ACAD11: variants seen among roughly 807,000 people sequenced by gnomAD.
ACAD11 encodes acyl-Coenzyme A dehydrogenase family, member 11.
A neutral mutation model predicts 102.2 loss-of-function variants in ACAD11; 83 were observed. That is an observed-to-expected ratio of 0.81 (90% confidence interval 0.68 to 0.97). The LOEUF is 0.97. ACAD11 is among the 50% of genes least tolerant of loss of function. The pLI, the probability that ACAD11 is intolerant of heterozygous loss-of-function variation, is 0.00. For missense variants in ACAD11, 901 were observed against 951.7 expected (o/e 0.95, Z 0.70); for synonymous variants, 324 against 319.8 (o/e 1.01, Z -0.14).
intron 13 of ACAD11, among the ~76,000 whole-genome samples, chr3:132,584,803 A>C (rs967886948): frequency 2.5e-4 from 38 of 152,206 alleles, no homozygotes; most frequent in Middle Eastern, 3.4e-3. Context: ...TGAAGGACCT[A>C]TTCAAGGAGA....
chr3:132,636,444 G>A (rs548294929), intron 5 of ACAD11, among the ~76,000 whole-genome samples: 93 of 151,836 alleles, frequency 6.1e-4, no homozygotes, highest in Non-Finnish European at 9.3e-4. Context: ...ATTGGCATTC[G>A]AAACAAACAA....
At chr3:132,590,973 T>C (rs1938048884) in intron 13 of ACAD11, among the ~76,000 whole-genome samples, 1 of 152,254 alleles carries the variant, frequency 6.6e-6, no homozygotes, top group Admixed American at 6.5e-5. Flanking sequence ...ACTCTGCTGA[T>C]AGTTTCTTTT....
intron 16 of ACAD11, 124 bp downstream of exon 16, chr3:132,576,820 C>G: frequency 1.4e-6 from 1 of 722,936 alleles, no homozygotes; most frequent in South Asian, 1.8e-5. Context: ...ATAACTTTTG[C>G]ACGAACCTAA....
chr3:132,622,538 G>A (rs190004392), intron 9 of ACAD11, among the ~76,000 whole-genome samples: 2 of 152,186 alleles, frequency 1.3e-5, no homozygotes, highest in African/African-American at 4.8e-5. Context: ...TTATGCCAGT[G>A]TTTATATAAT....
At chr3:132,575,710 T>C in intron 17 of ACAD11, 62 bp downstream of exon 17, 1 of 1,585,212 alleles carries the variant, frequency 6.3e-7, no homozygotes. Context: ...AAGTAATGTT[T>C]TTGTTCAATG....
At chr3:132,597,921 T>A (rs533382396) in intron 13 of ACAD11, among the ~76,000 whole-genome samples, 1 of 152,266 alleles carries the variant, frequency 6.6e-6, no homozygotes, top group South Asian at 2.1e-4. Flanking sequence ...ACTTTTTAAG[T>A]AACTTTAATG....
chr3:132,606,693 G>C (rs1938851541), intron 11 of ACAD11, among the ~76,000 whole-genome samples: 1 of 152,224 alleles, frequency 6.6e-6, no homozygotes, highest in Non-Finnish European at 1.5e-5. Flanking sequence ...AGGGGTGGCT[G>C]TGGGCGCGGC....
chr3:132,605,192 C>T lies in ACAD11; in HGVS notation c.1428G>A (p.Met476Ile), dbSNP rs2107827834. 1 of 1,611,882 alleles carries T rather than the reference C, an allele frequency of 6.2e-7. No homozygotes were observed. The highest frequency in any genetic ancestry group is 8.5e-7 in the Non-Finnish European group (1 of 1,178,434). The part of the protein sequence containing the change: ...FNCQAPDTGN[M>I]EVLHLYGSEE... ...CACTTCCATACAGGTGCAGAACCTCCATATTCCCTGTGTCTACACATAAAG... is the reference window on the plus strand; with the variant it reads ...CACTTCCATACAGGTGCAGAACCTCTATATTCCCTGTGTCTACACATAAAG... The change falls in exon 12 of 20, where the codon ATG becomes ATA. Residue 476 changes from methionine to isoleucine, a missense_variant. By Grantham distance (10) the Met-to-Ile change is conservative. Transcript: ENST00000264990.
intron 13 of ACAD11, chr3:132,601,293 A>G: frequency 6.2e-7 from 1 of 1,613,878 alleles, no homozygotes; most frequent in Non-Finnish European, 8.5e-7. Flanking sequence ...AGCTGCCTCA[A>G]CCCAATCCTT....
At position 132,605,126 on chromosome 3, in the gene ACAD11, C is replaced by T. The variant is rs760431520; in HGVS notation, c.1494G>A (p.Gly498=). The change falls in exon 12 of 20, where the codon GGG becomes GGA. Residue 498 remains glycine (G), a synonymous_variant. Transcript: ENST00000264990. ...KKQWLEPLLQ[G]NITSCFCMTE... ...TCATACAGAAGCAAGAGGTAATGTT[C>T]CCTTGAAGAAGAGGCTCAAGCCACT... The T allele has an allele frequency of 6.2e-7, 1 of 1,613,200 alleles. No homozygotes were observed. Among genetic ancestry groups the T allele is most frequent in the South Asian group, 1.1e-5 (1 of 91,018 alleles).
At position 132,622,926 on chromosome 3, in the gene ACAD11, A is replaced by G. The variant is rs563878353; in HGVS notation, c.1198-3381T>C. Among the ~76,000 whole-genome samples, 24 of 152,356 alleles carry G rather than the reference A, an allele frequency of 1.6e-4. No homozygotes were observed. The East Asian group carries it at 4.4e-3, about 28-fold the overall frequency. On this transcript the variant is annotated intron_variant, in intron 9 of 19. Transcript: ENST00000264990. ...AGCAACAGTTCATCCTTAGTATATT[A>G]GACTCAGCAGGAAAGTATGATTAAT...
At chr3:132,600,876 G>C in intron 13 of ACAD11, 1 of 1,613,844 alleles carries the variant, frequency 6.2e-7, no homozygotes, top group Non-Finnish European at 8.5e-7. Context: ...ATCTGTTTCT[G>C]TGTCTGGATG....
intron 13 of ACAD11, among the ~76,000 whole-genome samples, chr3:132,585,239 G>A (rs1193464958): frequency 3.9e-5 from 6 of 152,178 alleles, no homozygotes; most frequent in Non-Finnish European, 4.4e-5. Flanking sequence ...AACAAGAAAT[G>A]GGGAAAGGAT....
intron 17 of ACAD11, among the ~76,000 whole-genome samples, chr3:132,570,164 A>G (rs536206255): frequency 6.6e-6 from 1 of 152,202 alleles, no homozygotes; most frequent in Non-Finnish European, 1.5e-5. Context: ...AAACCTCACC[A>G]TAAGTCCCAC....
intron 5 of ACAD11, among the ~76,000 whole-genome samples, chr3:132,633,051 T>C (rs1316825621): frequency 1.3e-5 from 2 of 152,220 alleles, no homozygotes; most frequent in Non-Finnish European, 2.9e-5. Flanking sequence ...CTTTTCCTAA[T>C]TGAATACCCT....
chr3:132,562,330 C>T (rs576732684), intron 17 of ACAD11, among the ~76,000 whole-genome samples: 1 of 152,292 alleles, frequency 6.6e-6, no homozygotes, highest in South Asian at 2.1e-4. Context: ...GTCTTGAACT[C>T]CTGACCTTGT....
intron 5 of ACAD11, among the ~76,000 whole-genome samples, chr3:132,637,868 T>G (rs1213252989): frequency 6.6e-6 from 1 of 152,204 alleles, no homozygotes; most frequent in Non-Finnish European, 1.5e-5. Context: ...CTTTCTTAAT[T>G]GTTGTGTTTT....
At chr3:132,654,519 T>G (rs564332616) in intron 1 of ACAD11, 1 of 152,330 alleles carries the variant, frequency 6.6e-6, no homozygotes, top group East Asian at 1.9e-4. Flanking sequence ...AAAAGTCAGC[T>G]GAAGATAATG....
At chr3:132,605,048 A>C (rs964606664) in intron 12 of ACAD11, 50 bp downstream of exon 12, 2 of 1,419,846 alleles carry the variant, frequency 1.4e-6, no homozygotes, top group Admixed American at 1.7e-5. Flanking sequence ...CATCCATAAT[A>C]ACTCCGGGAC....
Sources: allele counts gnomAD v4.1 joint callset (sites outside exome capture counted in the v4.1 genomes callset), GRCh38; gene constraint gnomAD v4.1.1; transcripts MANE v1.5; gene names NCBI Gene and HGNC (gene_info 2026-07-23, HGNC 2026-07-21).